Variants in CLSTN2 observed in about 807,000 individuals in gnomAD.
CLSTN2 encodes calsyntenin 2.
CLSTN2 carries 48 observed loss-of-function variants against 101.2 expected under a neutral mutation model. That is an observed-to-expected ratio of 0.47 (90% CI 0.38 to 0.60). The LOEUF (loss-of-function observed/expected upper bound fraction) is 0.60. CLSTN2 is among the 20% of genes least tolerant of loss of function. The pLI is 0.00. For missense variants in CLSTN2, 1,160 were observed against 1,238.2 expected (o/e 0.94, Z 0.95); for synonymous variants, 481 against 463.6 (o/e 1.04, Z -0.48).
intron 8 of CLSTN2, among the ~76,000 whole-genome samples, chr3:140,467,609 C>T (rs938912924): frequency 1.3e-5 from 2 of 152,080 alleles, no homozygotes; most frequent in Non-Finnish European, 2.9e-5. Context: ...TTTATTCTGC[C>T]CCTTCCATAT....
At chr3:140,468,000 G>T (rs897165583) in intron 8 of CLSTN2, among the ~76,000 whole-genome samples, 3 of 152,216 alleles carry the variant, frequency 2.0e-5, no homozygotes, top group African/African-American at 7.2e-5. Context: ...ATGCCAAGCT[G>T]ATGGAAAAGT....
chr3:140,182,618 C>T (rs914632560), intron 2 of CLSTN2, among the ~76,000 whole-genome samples: 1 of 152,194 alleles, frequency 6.6e-6, no homozygotes, highest in Non-Finnish European at 1.5e-5. Context: ...CCCTGGTATC[C>T]CACTCTGCTT....
intron 2 of CLSTN2, among the ~76,000 whole-genome samples, chr3:140,192,565 G>A (rs1342773141): frequency 6.6e-6 from 1 of 151,700 alleles, no homozygotes; most frequent in Non-Finnish European, 1.5e-5. Flanking sequence ...TCTGTCTCCA[G>A]TAATTTTTTT....
chr3:140,280,270 C>G (rs1445476530), intron 2 of CLSTN2, among the ~76,000 whole-genome samples: 1 of 152,208 alleles, frequency 6.6e-6, no homozygotes, highest in African/African-American at 2.4e-5. Flanking sequence ...TCCCGTACCC[C>G]TGACCCATTA....
chr3:140,565,461 A>G (rs965010588), intron 16 of CLSTN2, among the ~76,000 whole-genome samples: 6 of 152,108 alleles, frequency 3.9e-5, no homozygotes, highest in Non-Finnish European at 7.4e-5. Flanking sequence ...GGGAGGGGGA[A>G]TTGGACTGGA....
At chr3:140,495,323 T>C (rs938120243) in intron 8 of CLSTN2, among the ~76,000 whole-genome samples, 7 of 152,208 alleles carry the variant, frequency 4.6e-5, no homozygotes, top group African/African-American at 1.7e-4. Flanking sequence ...TTTTTTTCCT[T>C]GTACATTTGT....
chr3:140,420,208 G>GT (rs1333228086), intron 4 of CLSTN2, among the ~76,000 whole-genome samples: 1 of 149,828 alleles, frequency 6.7e-6, no homozygotes, highest in Non-Finnish European at 1.5e-5. Context: ...TTGTTCATTT[G>GT]TTTTTTAATT....
rs1257911261 is a variant in CLSTN2, at chr3:140,404,564, G to A, written c.435G>A (p.Val145=). 6.2e-7 allele frequency: 1 copy of A among 1,613,924 alleles called. No individual in the cohort carries two copies. Among genetic ancestry groups the A allele is most frequent in the East Asian group, 2.2e-5 (1 of 44,872 alleles). Residue 145 remains valine (V), a synonymous_variant, in exon 4 of 17, where the codon GTG becomes GTA. Coordinates refer to ENST00000458420, the MANE Select transcript of CLSTN2 (RefSeq NM_022131.3). ...TTTCTGTGTGTGGTCCCAGGGCCGT[G>A]GTCCATATACAGGTGAAGGATGTCA... ...ETAWKKSHKA[V]VHIQVKDVNE...
At chr3:140,092,133 G>T (rs985952735) in intron 1 of CLSTN2, among the ~76,000 whole-genome samples, 8 of 152,160 alleles carry the variant, frequency 5.3e-5, no homozygotes, top group African/African-American at 1.9e-4. Flanking sequence ...AGACTATGAG[G>T]CTCCTGAGAG....
intron 1 of CLSTN2, among the ~76,000 whole-genome samples, chr3:139,962,880 T>A (rs1648288657): frequency 6.6e-6 from 1 of 152,174 alleles, no homozygotes; most frequent in South Asian, 2.1e-4. Context: ...CCTGTGAACA[T>A]ATGCTTTAAT....
chr3:140,509,941 T>C (rs905121076), intron 8 of CLSTN2, among the ~76,000 whole-genome samples: 4 of 152,236 alleles, frequency 2.6e-5, no homozygotes, highest in African/African-American at 9.6e-5. Flanking sequence ...AAGCCCATCG[T>C]AAGTTGAAAA....
At chr3:140,328,857 G>A (rs1417870343) in intron 2 of CLSTN2, among the ~76,000 whole-genome samples, 5 of 152,186 alleles carry the variant, frequency 3.3e-5, no homozygotes, top group Non-Finnish European at 7.3e-5. Context: ...TACCTGGCAT[G>A]CAGTATGCAT....
chr3:140,423,512 CG>C (rs1390126869), intron 5 of CLSTN2, among the ~76,000 whole-genome samples: 1 of 152,128 alleles, frequency 6.6e-6, no homozygotes, highest in Non-Finnish European at 1.5e-5. Flanking sequence ...TTCATAGTGT[CG>C]GGCACAGTGA....
chr3:140,347,035 G>A (rs927692425), intron 2 of CLSTN2, among the ~76,000 whole-genome samples: 21 of 152,168 alleles, frequency 1.4e-4, no homozygotes, highest in African/African-American at 4.8e-4. Flanking sequence ...TTCTCTCTGA[G>A]GAGGGATTTC....
intron 2 of CLSTN2, among the ~76,000 whole-genome samples, chr3:140,238,485 G>T (rs868008683): frequency 1.1e-4 from 16 of 152,192 alleles, no homozygotes; most frequent in Middle Eastern, 3.4e-3. Context: ...CTAGGAAAAA[G>T]AAATAATAAG....
At chr3:139,964,478 G>T (rs867680367) in intron 1 of CLSTN2, among the ~76,000 whole-genome samples, 2 of 152,194 alleles carry the variant, frequency 1.3e-5, no homozygotes, top group Non-Finnish European at 2.9e-5. Flanking sequence ...GCAGGGTAGA[G>T]GTGACACACA....
intron 8 of CLSTN2, among the ~76,000 whole-genome samples, chr3:140,469,840 A>G (rs1432683213): frequency 6.6e-6 from 1 of 152,224 alleles, no homozygotes; most frequent in African/African-American, 2.4e-5. Flanking sequence ...GAGAGGAAAG[A>G]GGAAAAATCC....
At chr3:140,001,526 G>A (rs1424355253) in intron 1 of CLSTN2, among the ~76,000 whole-genome samples, 6 of 151,788 alleles carry the variant, frequency 4.0e-5, no homozygotes, top group African/African-American at 1.5e-4. Context: ...TGGGGTTCAT[G>A]AGATGTTTTG....
chr3:139,983,583 G>A (rs9841389), intron 1 of CLSTN2, among the ~76,000 whole-genome samples: 49,881 of 151,812 alleles, frequency 0.33, 10,124 homozygotes, highest in Non-Finnish European at 0.46. Flanking sequence ...GCTGTCTACT[G>A]GATTTCTAAA....
Sources: allele counts gnomAD v4.1 joint callset (sites outside exome capture counted in the v4.1 genomes callset), GRCh38; gene constraint gnomAD v4.1.1; transcripts MANE v1.5; gene names NCBI Gene and HGNC (gene_info 2026-07-23, HGNC 2026-07-21).